The following TMEM117 variants were observed in gnomAD, a reference collection of about 807,000 sequenced individuals.
TMEM117 encodes the protein transmembrane protein 117.
TMEM117 carries 27 observed loss-of-function variants against 52.4 expected under a neutral mutation model. That is an observed-to-expected ratio of 0.51 (90% CI 0.38 to 0.71). The LOEUF (loss-of-function observed/expected upper bound fraction) is 0.71. TMEM117 is among the 30% of genes least tolerant of loss of function. The pLI is 0.00. For synonymous variants in TMEM117, 215 were observed against 206.3 expected (o/e 1.04, Z -0.36); for missense variants, 556 against 630.5 (o/e 0.88, Z 1.26).
At chr12:44,183,526 T>G (rs2138321297) in intron 4 of TMEM117, among the ~76,000 whole-genome samples, 1 of 152,324 alleles carries the variant, frequency 6.6e-6, no homozygotes, top group Non-Finnish European at 1.5e-5. Flanking sequence ...AAACATTAAC[T>G]GGACAATCTT....
chr12:44,257,218 A>G (rs1219921424), intron 5 of TMEM117, among the ~76,000 whole-genome samples: 1 of 151,854 alleles, frequency 6.6e-6, no homozygotes, highest in African/African-American at 2.4e-5. Flanking sequence ...ACGGTGGTTT[A>G]GAAGTAGTCC....
intron 4 of TMEM117, among the ~76,000 whole-genome samples, chr12:44,207,749 A>G (rs1259502363): frequency 6.6e-6 from 1 of 152,028 alleles, no homozygotes; most frequent in South Asian, 2.1e-4. Context: ...TTTTGTGCTC[A>G]TAGGTGATTA....
chr12:44,343,928 G>A (rs1951450075), intron 6 of TMEM117, among the ~76,000 whole-genome samples: 1 of 152,090 alleles, frequency 6.6e-6, no homozygotes, highest in African/African-American at 2.4e-5. Context: ...GGACCATGAT[G>A]TTGAGTTTAT....
At chr12:43,874,426 C>CAA (rs11436135) in intron 2 of TMEM117, among the ~76,000 whole-genome samples, 1,643 of 143,892 alleles carry the variant, frequency 0.011, 36 homozygotes, top group East Asian at 0.093. Context: ...ACTAAAAGTA[C>CAA]AAAAAAAAAA....
At chr12:44,302,227 A>C (rs1355643514) in intron 6 of TMEM117, among the ~76,000 whole-genome samples, 1 of 152,116 alleles carries the variant, frequency 6.6e-6, no homozygotes, top group African/African-American at 2.4e-5. Context: ...CATGTTTTAC[A>C]CTTCTCAGCC....
At chr12:44,319,896 T>C (rs1244573062) in intron 6 of TMEM117, among the ~76,000 whole-genome samples, 2 of 152,216 alleles carry the variant, frequency 1.3e-5, no homozygotes, top group Non-Finnish European at 2.9e-5. Flanking sequence ...CTGTCCATTA[T>C]ACATACTCTG....
At chr12:43,918,526 C>T (rs1312813713) in intron 2 of TMEM117, among the ~76,000 whole-genome samples, 1 of 152,186 alleles carries the variant, frequency 6.6e-6, no homozygotes, top group Admixed American at 6.5e-5. Context: ...CTTTGTCTAG[C>T]TGCTTAGTTA....
At chr12:43,895,474 T>G (rs1944184112) in intron 2 of TMEM117, among the ~76,000 whole-genome samples, 1 of 152,220 alleles carries the variant, frequency 6.6e-6, no homozygotes, top group African/African-American at 2.4e-5. Flanking sequence ...TGCATGTGTC[T>G]TGTTATATTT....
chr12:43,849,475 A>G (rs1943268259), intron 2 of TMEM117, among the ~76,000 whole-genome samples: 1 of 152,208 alleles, frequency 6.6e-6, no homozygotes, highest in African/African-American at 2.4e-5. Flanking sequence ...TCTGTTGCAA[A>G]CTTTTATCTC....
chr12:44,323,504 G>A (rs1435513508), intron 6 of TMEM117, among the ~76,000 whole-genome samples: 1 of 151,916 alleles, frequency 6.6e-6, no homozygotes, highest in East Asian at 1.9e-4. Context: ...CCAGCTCACG[G>A]GCTCATCCTA....
intron 2 of TMEM117, among the ~76,000 whole-genome samples, chr12:43,934,536 G>A (rs1188519890): frequency 6.6e-6 from 1 of 152,020 alleles, no homozygotes. Context: ...TAGTTAAATT[G>A]ACATTAAACT....
the TMEM117 span, among the ~76,000 whole-genome samples, chr12:43,830,511 G>A: frequency 6.6e-6 from 1 of 151,578 alleles, no homozygotes; most frequent in African/African-American, 2.4e-5. Flanking sequence ...TCAGGAGGCT[G>A]AGGTAGGAGA....
intron 3 of TMEM117, among the ~76,000 whole-genome samples, chr12:43,983,547 C>CGTGT (rs748259406): frequency 1.5e-3 from 163 of 110,722 alleles, no homozygotes; most frequent in South Asian, 3.6e-3. Context: ...TTGCACCAAC[C>CGTGT]GTGTGTGTGT....
chr12:43,954,363 A>G (rs1231797071), intron 3 of TMEM117, among the ~76,000 whole-genome samples: 1 of 152,172 alleles, frequency 6.6e-6, no homozygotes, highest in African/African-American at 2.4e-5. Context: ...TGAATCCAGG[A>G]GCTGGTTTTT....
intron 5 of TMEM117, among the ~76,000 whole-genome samples, chr12:44,238,646 A>AAACAAC (rs748966377): frequency 3.3e-5 from 5 of 151,718 alleles, no homozygotes; most frequent in East Asian, 1.9e-4. Context: ...CCCTGTCTCT[A>AAACAAC]AACAACAACA....
chr12:43,843,135 T>G (rs1340182162), intron 1 of TMEM117, among the ~76,000 whole-genome samples: 1 of 152,234 alleles, frequency 6.6e-6, no homozygotes, highest in African/African-American at 2.4e-5. Context: ...GAGCCTGGCA[T>G]GCAAACTGCT....
At chr12:44,310,512 C>A (rs1332884792) in intron 6 of TMEM117, among the ~76,000 whole-genome samples, 2 of 152,172 alleles carry the variant, frequency 1.3e-5, no homozygotes, top group Non-Finnish European at 2.9e-5. Flanking sequence ...GTGGCATATG[C>A]CTATAATTCC....
intron 5 of TMEM117, among the ~76,000 whole-genome samples, chr12:44,265,522 A>G (rs1950367609): frequency 6.6e-6 from 1 of 152,164 alleles, no homozygotes; most frequent in Non-Finnish European, 1.5e-5. Context: ...AGCTTTGACT[A>G]GAAGGTGAAT....
chr12:43,902,684 T>C (rs537022291), intron 2 of TMEM117, among the ~76,000 whole-genome samples: 98 of 152,280 alleles, frequency 6.4e-4, no homozygotes, highest in African/African-American at 2.2e-3. Flanking sequence ...GAGGGATACA[T>C]GATGACCCAG....
Sources: gnomAD v4.1 joint callset for allele counts (sites outside exome capture counted in the v4.1 genomes callset) on GRCh38, gnomAD v4.1.1 for gene constraint, MANE v1.5 for transcripts, NCBI Gene and HGNC (gene_info 2026-07-23, HGNC 2026-07-21) for gene names.